RPL17: variants seen among roughly 807,000 people sequenced by gnomAD.
The protein encoded by RPL17 is ribosomal protein L17.
In RPL17, 2 loss-of-function variants were observed where a neutral mutation model predicts 27.7. That is an observed-to-expected ratio of 0.07 (90% CI 0.03 to 0.23). The LOEUF is 0.23. RPL17 is among the 10% of genes least tolerant of loss of function. The pLI is 1.00. For missense variants in RPL17, 141 were observed against 238.8 expected, an observed-to-expected ratio of 0.59 and a Z score of 2.70; for synonymous variants, 76 against 75.5, an observed-to-expected ratio of 1.01 and a Z score of -0.03.
chr18:49,489,039 C>T (rs990143924), intron 6 of RPL17: 49 of 271,924 alleles, frequency 1.8e-4, no homozygotes, highest in African/African-American at 1.1e-3. Flanking sequence ...GCTGGGACTA[C>T]AGATACCCGC....
chr18:49,489,247 T>C (rs2083880930), intron 6 of RPL17, 112 bp downstream of exon 6: 1 of 1,181,874 alleles, frequency 8.5e-7, no homozygotes, highest in Non-Finnish European at 1.2e-6. Context: ...GTGAAAGGGT[T>C]GCTCAGAATA....
At chr18:49,488,682 C>T in intron 6 of RPL17, 116 bp from the exon 7 acceptor site, 1 of 667,694 alleles carries the variant, frequency 1.5e-6, no homozygotes, top group Admixed American at 2.7e-5. Context: ...GGGAAAAATA[C>T]TTAAATGGTA....
rs1360719621 is a variant in RPL17, at chr18:49,491,694, A to AATC, written c.-13-113_-13-111dup. On this transcript the variant is annotated intron_variant, in intron 1 of 6. Coordinates refer to ENST00000580261, the MANE Select transcript of RPL17 (RefSeq NM_001035006.5). Reference sequence around the variant, plus strand: ...TCAGAGAGTAGTTGTTTTCATTATTAATCCAAAGGTGTCCTAAGAAATGCC... The same window carrying AATC: ...TCAGAGAGTAGTTGTTTTCATTATTAATCATCCAAAGGTGTCCTAAGAAATGCC... 2.2e-6 allele frequency: 3 copies of AATC among 1,352,552 alleles called. No individual in the cohort carries two copies. In the African/African-American group the frequency reaches 4.3e-5, roughly 19 times the overall value. The allele number at this position is 1,352,552 out of a possible 1,614,324, so 83.8% of individuals were successfully genotyped here.
chr18:49,489,594 T>C (rs751263573), intron 5 of RPL17, 44 bp from the exon 6 acceptor site: 1 of 1,581,276 alleles, frequency 6.3e-7, no homozygotes, highest in African/African-American at 1.3e-5. Context: ...ACATCCTTAA[T>C]TAGTAAAACA....
At chr18:49,488,668 AAG>A (rs1218455204) in intron 6 of RPL17, 102 bp from the exon 7 acceptor site, 2 of 709,368 alleles carry the variant, frequency 2.8e-6, no homozygotes, top group East Asian at 2.5e-5. Flanking sequence ...GTTAAGGACT[AAG>A]GGGGAAAAAT....
At chr18:49,491,367 C>G in intron 3 of RPL17, 38 bp downstream of exon 3, 1 of 1,614,020 alleles carries the variant, frequency 6.2e-7, no homozygotes, top group Non-Finnish European at 8.5e-7. Context: ...TTGAGTGGAA[C>G]ATGAGGAACT....
In RPL17 at chr18:49,491,411, G is replaced by C; in HGVS notation, c.75C>G (p.His25Gln). The change falls in exon 3 of 7, where the codon CAC (histidine) becomes CAG (glutamine). Residue 25 changes from histidine (H) to glutamine (Q), a missense_variant. His to Gln is a conservative substitution (Grantham distance 24). Transcript: ENST00000580261. ...CKSRGSNLRVHFKNTRETAQA... is the reference protein window; with the variant it reads ...CKSRGSNLRVQFKNTRETAQA... The stretch of plus-strand genomic sequence containing the variant: ...ACAACTATGAATCGCATACCTTAAA[G>C]TGAACACGAAGATTGGAACCTCTTG... The C allele has an allele frequency of 2.5e-6, 4 of 1,614,150 alleles. No individual in the cohort carries two copies. Among genetic ancestry groups the C allele is most frequent in the Non-Finnish European group, 3.4e-6 (4 of 1,180,034 alleles).
chr18:49,489,341 G>T lies in RPL17; in HGVS notation c.507+18C>A. On this transcript the variant is annotated intron_variant, in intron 6 of 6. Transcript: ENST00000580261. ...TCTTTCTACTATCACAAACAAAACC[G>T]AGCAACTACTTATTTACCTTTTTCT... 1.9e-6 allele frequency: 3 copies of T among 1,613,340 alleles called. No individual in the cohort carries two copies. Among genetic ancestry groups the T allele is most frequent in the South Asian group, 2.2e-5 (2 of 90,976 alleles).
At chr18:49,490,614 T>C in intron 4 of RPL17, 62 bp from the exon 5 acceptor site, 1 of 1,608,516 alleles carries the variant, frequency 6.2e-7, no homozygotes. Flanking sequence ...ACAGCCAAGA[T>C]GAATTTATCT....
chr18:49,491,029 T>A, intron 3 of RPL17, 102 bp from the exon 4 acceptor site: 2 of 1,559,904 alleles, frequency 1.3e-6, no homozygotes, highest in South Asian at 1.2e-5. Flanking sequence ...GTCGAGTTAT[T>A]TCTATTCTTT....
intron 5 of RPL17, 105 bp from the exon 6 acceptor site, chr18:49,489,655 T>C (rs73959373): frequency 0.053 from 63,279 of 1,198,840 alleles, 1,928 homozygotes; most frequent in South Asian, 0.095. Context: ...TCCAGAGTCC[T>C]GCCTCAATGA....
chr18:49,490,953 T>C (rs376302489), intron 3 of RPL17, 26 bp from the exon 4 acceptor site: 1 of 1,612,638 alleles, frequency 6.2e-7, no homozygotes, highest in African/African-American at 1.3e-5. Flanking sequence ...AAAGTGTTGG[T>C]TAACTAGATC....
In RPL17 at chr18:49,491,460, G is replaced by A. The variant is rs1428607493; in HGVS notation, c.41-15C>T. 6.2e-7 allele frequency: 1 copy of A among 1,614,086 alleles called. No individual in the cohort carries two copies. Among genetic ancestry groups the A allele is most frequent in the East Asian group, 2.2e-5 (1 of 44,884 alleles). On this transcript the variant is annotated splice_polypyrimidine_tract_variant and intron_variant, in intron 2 of 6. Transcript: ENST00000580261. ...TGATTTGCATGCTAGAAAATAAAAC[G>A]TTTTGGTTAATTTTTGGTATCTTAT...
Position 49,489,450 on chromosome 18 carries a change from T to A in RPL17, c.416A>T (p.Tyr139Phe). 6.2e-7 allele frequency: 1 copy of A among 1,608,082 alleles called. No individual in the cohort carries two copies. The highest frequency in any genetic ancestry group is 2.2e-5 in the East Asian group (1 of 44,878). The change falls in exon 6 of 7, where the codon TAC becomes TTC. Residue 139 changes from tyrosine to phenylalanine, a missense_variant. By Grantham distance (22) the Tyr-to-Phe change is conservative. Around this residue, in one of 2 missense-constraint regions of RPL17, gnomAD observed 34 missense variants for 88.8 expected, o/e 0.38. Coordinates refer to ENST00000580261, the MANE Select transcript of RPL17 (RefSeq NM_001035006.5). ...CTCAATGTGGCAGGGAGAGCTCATG[T>A]ATGGGTTAATCCGACCATGAGCTCT... is the stretch of plus-strand genomic sequence containing the variant. ...TYRAHGRINP[Y>F]MSSPCHIEMI... is the part of the protein sequence containing the mutation.
intron 1 of RPL17, chr18:49,492,176 C>T (rs1199147051): frequency 6.4e-6 from 1 of 155,856 alleles, no homozygotes; most frequent in African/African-American, 2.4e-5. Context: ...CCAGGCGGCC[C>T]GCACCCCACG....
At chr18:49,492,042 T>C (rs1232719025) in intron 1 of RPL17, 4 of 323,986 alleles carry the variant, frequency 1.2e-5, no homozygotes, top group South Asian at 1.0e-4. Flanking sequence ...AGAGCCCTCC[T>C]GTACGCAACA....
chr18:49,488,903 G>GT (rs34048856), intron 6 of RPL17, among the ~76,000 whole-genome samples: 68,434 of 146,514 alleles, frequency 0.47, 16,090 homozygotes, highest in African/African-American at 0.57. Flanking sequence ...AAAACTACCA[G>GT]TTTTTTTTTT....
At chr18:49,491,875 C>T in intron 1 of RPL17, 1 of 526,904 alleles carries the variant, frequency 1.9e-6, no homozygotes, top group Non-Finnish European at 3.5e-6. Flanking sequence ...AATGCTGGAT[C>T]TTCCAGGCGT....
rs1261583404 is a variant in RPL17 at position 49,491,826 on chromosome 18, AG to A, written c.-13-243del. The A allele has an allele frequency of 8.4e-6, 6 of 715,422 alleles. No individual in the cohort carries two copies. The African/African-American group carries it at 1.0e-4, about 12-fold the overall frequency. The allele number at this position is 715,422 out of a possible 1,614,324, so 44.3% of individuals were successfully genotyped here. A position where few individuals can be genotyped will look rare whatever the true frequency, so the allele number is the denominator to read the frequency against. ...GTAGCCACACGGGCCTCACCAATCC[AG>A]TCAACCCTTTGGAAGAAAATACAGC... On this transcript the variant is annotated intron_variant, in intron 1 of 6. Coordinates refer to ENST00000580261, the MANE Select transcript of RPL17 (RefSeq NM_001035006.5).
Sources: gnomAD v4.1 joint callset for allele counts (sites outside exome capture counted in the v4.1 genomes callset) on GRCh38, gnomAD v4.1.1 for gene constraint, gnomAD v4.1.1 regional missense constraint, MANE v1.5 for transcripts, NCBI Gene and HGNC (gene_info 2026-07-23, HGNC 2026-07-21) for gene names.